Variants in IL1R1 observed in about 807,000 individuals in gnomAD.
The protein encoded by IL1R1 is interleukin-1 receptor type 1.
A neutral mutation model predicts 50.2 loss-of-function variants in IL1R1; 22 were observed. The ratio of observed to expected loss-of-function variants is 0.44; its 90% CI spans 0.31 to 0.63. The LOEUF is 0.63. Among genes scored for constraint, IL1R1 ranks in the 20% least tolerant of loss-of-function variants. The pLI, the probability that IL1R1 is intolerant of heterozygous loss-of-function variation, is 0.07. For missense variants in IL1R1, 509 were observed against 676.2 expected, an observed-to-expected ratio of 0.75 and a Z score of 2.74; for synonymous variants, 251 against 236.7, an observed-to-expected ratio of 1.06 and a Z score of -0.55.
At chr2:102,175,909 C>G (rs1291732992) in intron 11 of IL1R1, 1 of 578,350 alleles carries the variant, frequency 1.7e-6, no homozygotes, top group Non-Finnish European at 3.1e-6. Context: ...ACAACTGATA[C>G]AATTAAACAG....
At chr2:102,124,283 A>T (rs1681566975) in intron 1 of IL1R1, among the ~76,000 whole-genome samples, 2 of 151,976 alleles carry the variant, frequency 1.3e-5, no homozygotes, top group South Asian at 4.2e-4. Context: ...TTAGCCAAGC[A>T]TGGTGGTGCG....
At chr2:102,097,329 G>A (rs1180751673) in intron 1 of IL1R1, among the ~76,000 whole-genome samples, 2 of 152,128 alleles carry the variant, frequency 1.3e-5, no homozygotes, top group Admixed American at 6.5e-5. Context: ...TGTCAAATTT[G>A]GGGAGCATAT....
chr2:102,089,376 C>G (rs1679561619), intron 1 of IL1R1, among the ~76,000 whole-genome samples: 1 of 152,170 alleles, frequency 6.6e-6, no homozygotes, highest in Non-Finnish European at 1.5e-5. Context: ...CATTTATTAA[C>G]TTTTCTGTCT....
chr2:102,171,147 A>C (rs890304534), intron 7 of IL1R1, among the ~76,000 whole-genome samples: 3 of 152,228 alleles, frequency 2.0e-5, no homozygotes, highest in African/African-American at 7.2e-5. Context: ...AATGAAAAGC[A>C]TGTTGATTCA....
At chr2:102,076,058 C>T (rs968734325) in intron 1 of IL1R1, among the ~76,000 whole-genome samples, 1 of 152,184 alleles carries the variant, frequency 6.6e-6, no homozygotes, top group African/African-American at 2.4e-5. Context: ...TTTCCTTCTA[C>T]ATATGTTATG....
Position 102,174,644 on chromosome 2 carries a change from T to C in IL1R1, c.1049T>C (p.Val350Ala). The part of the protein sequence containing the change: ...GICVTLTVII[V>A]CSVFIYKIFK... The stretch of plus-strand genomic sequence containing the variant: ...TGTGTCACGTTGACAGTCATAATTG[T>C]GTGTTCTGTTTTCATCTATAAAATC... Residue 350 changes from valine to alanine, a missense_variant, in exon 10 of 12, where the codon GTG becomes GCG. Physicochemically the swap from Val to Ala is moderately conservative, Grantham distance 64 (BLOSUM62 0). Transcript: ENST00000410023. 6.2e-7 allele frequency: 1 copy of C among 1,612,122 alleles called. No individual in the cohort carries two copies. Among genetic ancestry groups the C allele is most frequent in the Non-Finnish European group, 8.5e-7 (1 of 1,179,062 alleles).
intron 1 of IL1R1, among the ~76,000 whole-genome samples, chr2:102,080,389 A>G (rs1679154211): frequency 6.6e-6 from 1 of 152,222 alleles, no homozygotes; most frequent in Non-Finnish European, 1.5e-5. Context: ...CAATAAAAAG[A>G]CAACCCAATT....
chr2:102,089,337 A>T (rs1407852044), intron 1 of IL1R1, among the ~76,000 whole-genome samples: 1 of 152,156 alleles, frequency 6.6e-6, no homozygotes, highest in Non-Finnish European at 1.5e-5. Context: ...GAGATGGGGG[A>T]GTAGCTGGTC....
At chr2:102,103,588 T>G (rs1036895090), upstream of IL1R1, among the ~76,000 whole-genome samples, 1 of 152,154 alleles carries the variant, frequency 6.6e-6, no homozygotes, top group East Asian at 1.9e-4. Flanking sequence ...ATTGGAGGCT[T>G]GACTCTTCCT....
intron 1 of IL1R1, among the ~76,000 whole-genome samples, chr2:102,118,739 C>T (rs996670146): frequency 2.6e-5 from 4 of 152,090 alleles, no homozygotes; most frequent in South Asian, 2.1e-4. Flanking sequence ...AAAGTAGGGC[C>T]GGGTGTGGTG....
upstream of IL1R1, among the ~76,000 whole-genome samples, chr2:102,139,501 G>A (rs1323886430): frequency 1.3e-5 from 2 of 152,214 alleles, no homozygotes; most frequent in East Asian, 3.8e-4. Flanking sequence ...GCCAGGTGAT[G>A]CAGTTTGGAT....
chr2:102,130,973 G>C (rs553594798), intron 1 of IL1R1, among the ~76,000 whole-genome samples: 1 of 152,182 alleles, frequency 6.6e-6, no homozygotes, highest in Non-Finnish European at 1.5e-5. Flanking sequence ...ACTGATGTGA[G>C]AGTTTCCAGG....
intron 1 of IL1R1, among the ~76,000 whole-genome samples, chr2:102,149,643 T>TG (rs1181615700): frequency 6.6e-6 from 1 of 152,122 alleles, no homozygotes; most frequent in East Asian, 1.9e-4. Context: ...TGGACCCTAA[T>TG]TCCAGGGCCT....
Position 102,175,641 on chromosome 2 carries a change from G to T in IL1R1, c.1299G>T (p.Gly433=). Residue 433 remains glycine, a synonymous_variant, in exon 11 of 12, where the codon GGG becomes GGT. Coordinates refer to ENST00000410023, the MANE Select transcript of IL1R1 (RefSeq NM_000877.4). ...LFIYGRDDYV[G]EDIVEVINEN... ...TTTATGGAAGGGATGACTACGTTGG[G>T]GAAGGTATGTGTGTAATGGAACAGA... The T allele has an allele frequency of 1.2e-6, 2 of 1,613,852 alleles. No individual in the cohort carries two copies. Among genetic ancestry groups the T allele is most frequent in the Non-Finnish European group, 1.7e-6 (2 of 1,179,774 alleles).
intron 1 of IL1R1, among the ~76,000 whole-genome samples, chr2:102,127,657 CTGTGTGTGTGTGTG>C (rs60587758): frequency 1.3e-3 from 183 of 144,954 alleles, no homozygotes; most frequent in Middle Eastern, 3.5e-3. Flanking sequence ...GTGTGTGTGA[CTGTGTGTGTGTGTG>C]TGTGTGTGTG....
At chr2:102,153,129 G>A (rs918046303) in intron 1 of IL1R1, among the ~76,000 whole-genome samples, 15 of 152,182 alleles carry the variant, frequency 9.9e-5, no homozygotes, top group Admixed American at 5.9e-4. Context: ...GATATGGGGT[G>A]TAGGTATGTT....
At chr2:102,085,540 A>C (rs942636281) in intron 1 of IL1R1, among the ~76,000 whole-genome samples, 5 of 152,000 alleles carry the variant, frequency 3.3e-5, no homozygotes, top group African/African-American at 9.6e-5. Context: ...GGTGTGTATG[A>C]GTCTTTTTCT....
At chr2:102,168,271 C>G (rs1481928925) in intron 6 of IL1R1, among the ~76,000 whole-genome samples, 1 of 152,140 alleles carries the variant, frequency 6.6e-6, no homozygotes, top group African/African-American at 2.4e-5. Flanking sequence ...AGTGACTTTC[C>G]ACTACTCTCG....
chr2:102,089,977 G>A (rs1255760770), intron 1 of IL1R1, among the ~76,000 whole-genome samples: 2 of 151,432 alleles, frequency 1.3e-5, no homozygotes, highest in African/African-American at 4.9e-5. Context: ...GGGACTACAG[G>A]TGCCCGCCAC....
Sources: allele counts gnomAD v4.1 joint callset (sites outside exome capture counted in the v4.1 genomes callset), GRCh38; gene constraint gnomAD v4.1.1; transcripts MANE v1.5; gene names NCBI Gene and HGNC (gene_info 2026-07-23, HGNC 2026-07-21).